SH3KBP1: variants seen among roughly 807,000 people sequenced by gnomAD.
SH3KBP1 encodes the protein SH3 domain containing kinase binding protein 1, also known as SH3 domain-containing kinase-binding protein 1.
SH3KBP1 carries 8 observed loss-of-function variants against 50.1 expected under a neutral mutation model. The observed-to-expected ratio is 0.16, with a 90% CI of 0.09 to 0.29. SH3KBP1 has a LOEUF of 0.29. Among genes scored for constraint, SH3KBP1 ranks in the 10% least tolerant of loss-of-function variants. The probability of loss-of-function intolerance (pLI) is 1.00; values close to 1 mark genes in which losing one functional copy is unlikely to be tolerated. For synonymous variants in SH3KBP1, 227 were observed against 218.6 expected (o/e 1.04, Z -0.34); for missense variants, 377 against 535.2 (o/e 0.70, Z 2.92).
At chrX:19,564,793 C>T (rs898139648) in intron 13 of SH3KBP1, among the ~76,000 whole-genome samples, 1 of 111,254 alleles carries the variant, frequency 9.0e-6, no homozygotes, top group African/African-American at 3.3e-5. Context: ...CTCTGGGCCT[C>T]GGTGCTATTG....
chrX:19,628,834 C>T (rs1400616901), intron 8 of SH3KBP1, among the ~76,000 whole-genome samples: 1 of 111,658 alleles, frequency 9.0e-6, no homozygotes, highest in Non-Finnish European at 1.9e-5. Context: ...CAGTGGCTCA[C>T]GCCTGTAATC....
intron 3 of SH3KBP1, among the ~76,000 whole-genome samples, chrX:19,738,428 C>CCACTTT (rs2064659783): frequency 1.8e-5 from 2 of 110,237 alleles, no homozygotes; most frequent in Admixed American, 9.7e-5. Flanking sequence ...ACAATAGGAC[C>CCACTTT]CACTTTCACG....
At chrX:19,593,460 G>A (rs1223890536) in intron 10 of SH3KBP1, among the ~76,000 whole-genome samples, 1 of 110,406 alleles carries the variant, frequency 9.1e-6, no homozygotes, top group Non-Finnish European at 1.9e-5. Flanking sequence ...GAAAGTTGAC[G>A]AGGGAGAAAA....
intron 8 of SH3KBP1, 28 bp downstream of exon 8, chrX:19,631,836 T>C: frequency 9.7e-7 from 1 of 1,032,001 alleles, no homozygotes; most frequent in Non-Finnish European, 1.4e-6. Context: ...GTTCGCGATT[T>C]AGAAGGTAGG....
rs182214105 is a variant in SH3KBP1 at position 19,778,050 on chromosome X, G to T, written c.163-31609C>A. 4.0e-3 allele frequency among the ~76,000 whole-genome samples: 442 copies of T among 110,791 alleles called. 1 individual carries two copies. Among genetic ancestry groups the T allele is most frequent in the Non-Finnish European group, 4.5e-3 (238 of 52,762 alleles). The stretch of plus-strand genomic sequence containing the variant: ...CCTTCATATCCTACTCCTCCAGGAA[G>T]AAAAAAAAGCTGGAGGAAACACTTC... On this transcript the variant is annotated intron_variant, in intron 2 of 17. Transcript: ENST00000397821.
At chrX:19,569,020 C>T (rs1602501110) in intron 13 of SH3KBP1, 83 bp downstream of exon 13, 4 of 836,323 alleles carry the variant, frequency 4.8e-6, no homozygotes, top group Non-Finnish European at 5.4e-6. Context: ...TATTACTTCT[C>T]ATCATGCTGG....
chrX:19,633,322 G>T (rs747354037), intron 7 of SH3KBP1, among the ~76,000 whole-genome samples: 6 of 111,579 alleles, frequency 5.4e-5, no homozygotes, highest in Non-Finnish European at 1.1e-4. Context: ...TGGGTATTCT[G>T]GGCCTCTGAT....
At chrX:19,568,330 T>C (rs1033984132) in intron 13 of SH3KBP1, among the ~76,000 whole-genome samples, 2 of 112,295 alleles carry the variant, frequency 1.8e-5, no homozygotes, top group Non-Finnish European at 3.8e-5. Flanking sequence ...TGCACATGGT[T>C]GCAAGTTTTT....
At chrX:19,730,264 C>G (rs2148761304) in intron 3 of SH3KBP1, among the ~76,000 whole-genome samples, 1 of 111,452 alleles carries the variant, frequency 9.0e-6, no homozygotes, top group South Asian at 3.7e-4. Flanking sequence ...TCACTAGAGG[C>G]TAGGAGTTTA....
intron 14 of SH3KBP1, 114 bp from the exon 15 acceptor site, chrX:19,546,164 C>A: frequency 1.1e-6 from 1 of 884,862 alleles, no homozygotes; most frequent in South Asian, 2.5e-5. Context: ...TTTGTCTTCT[C>A]ACGATAACCC....
At chrX:19,783,687 G>T (rs964872989) in intron 2 of SH3KBP1, among the ~76,000 whole-genome samples, 11 of 111,336 alleles carry the variant, frequency 9.9e-5, no homozygotes, top group African/African-American at 3.3e-4. Flanking sequence ...GGAAATATCA[G>T]ATTAGTGTAT....
At chrX:19,687,329 C>T (rs2063189053) in intron 5 of SH3KBP1, among the ~76,000 whole-genome samples, 1 of 112,554 alleles carries the variant, frequency 8.9e-6, no homozygotes, top group Non-Finnish European at 1.9e-5. Context: ...TATGCCACGA[C>T]AAATGCTACT....
At chrX:19,626,383 T>TATGAATGA (rs72140292) in intron 8 of SH3KBP1, among the ~76,000 whole-genome samples, 1,548 of 108,313 alleles carry the variant, frequency 0.014, 15 homozygotes, top group African/African-American at 0.031. Flanking sequence ...TTCTTCGATG[T>TATGAATGA]ATGAATGAAT....
chrX:19,686,460 AG>A (rs774527177), intron 5 of SH3KBP1, among the ~76,000 whole-genome samples: 2 of 111,420 alleles, frequency 1.8e-5, no homozygotes, highest in South Asian at 7.6e-4. Context: ...CATTACAGGT[AG>A]GCAGTGGTGA....
intron 4 of SH3KBP1, among the ~76,000 whole-genome samples, chrX:19,701,190 T>G (rs2063527980): frequency 9.0e-6 from 1 of 111,515 alleles, no homozygotes; most frequent in Non-Finnish European, 1.9e-5. Context: ...TACTAAGGTC[T>G]TTCTATCATT....
At chrX:19,666,514 C>T (rs1350155260) in intron 6 of SH3KBP1, among the ~76,000 whole-genome samples, 1 of 111,130 alleles carries the variant, frequency 9.0e-6, no homozygotes, top group Admixed American at 9.6e-5. Flanking sequence ...GATTACATGA[C>T]TGATCAGCTA....
chrX:19,620,358 T>C (rs2067770133), intron 8 of SH3KBP1, among the ~76,000 whole-genome samples: 1 of 112,186 alleles, frequency 8.9e-6, no homozygotes, highest in Non-Finnish European at 1.9e-5. Context: ...CTGCAGCGAC[T>C]ATTAGTAAAT....
At chrX:19,739,046 T>C (rs1163348356) in intron 3 of SH3KBP1, among the ~76,000 whole-genome samples, 1 of 103,815 alleles carries the variant, frequency 9.6e-6, no homozygotes, top group Non-Finnish European at 2.0e-5. Flanking sequence ...AAAAGACTTA[T>C]ATGTGCCTTA....
intron 1 of SH3KBP1, among the ~76,000 whole-genome samples, chrX:19,841,244 G>T (rs957010209): frequency 2.7e-5 from 3 of 111,201 alleles, no homozygotes; most frequent in African/African-American, 9.8e-5. Flanking sequence ...TGTCTCCTAG[G>T]ACCAGTTCAC....
Sources: allele counts gnomAD v4.1 joint callset (sites outside exome capture counted in the v4.1 genomes callset), GRCh38; gene constraint gnomAD v4.1.1; transcripts MANE v1.5; gene names NCBI Gene and HGNC (gene_info 2026-07-23, HGNC 2026-07-21).